TNS3: variants seen among roughly 807,000 people sequenced by gnomAD.
The protein encoded by TNS3 is tensin-3.
A neutral mutation model predicts 140.9 loss-of-function variants in TNS3; 45 were observed. The ratio of observed to expected loss-of-function variants is 0.32; its 90% confidence interval spans 0.25 to 0.41. The LOEUF is 0.41. Ranked by LOEUF, TNS3 falls within the 10% of genes least tolerant of loss-of-function variation. The probability of loss-of-function intolerance (pLI) is 1.00; values close to 1 mark genes in which losing one functional copy is unlikely to be tolerated. For synonymous variants in TNS3, 815 were observed against 788.4 expected (o/e 1.03, Z -0.56); for missense variants, 1,716 against 1,906.7 (o/e 0.90, Z 1.86).
chr7:47,350,326 T>G (rs1789592411), intron 17 of TNS3, among the ~76,000 whole-genome samples: 1 of 152,346 alleles, frequency 6.6e-6, no homozygotes, highest in Non-Finnish European at 1.5e-5. Flanking sequence ...GTCTCTCGTG[T>G]GAATTTCAGA....
intron 4 of TNS3, among the ~76,000 whole-genome samples, chr7:47,458,824 A>G (rs563322479): frequency 6.6e-6 from 1 of 152,364 alleles, no homozygotes; most frequent in African/African-American, 2.4e-5. Context: ...AGCTTTTTAA[A>G]TAACAAGTAC....
At chr7:47,433,896 TCTCTC>T in intron 8 of TNS3, among the ~76,000 whole-genome samples, 1 of 139,138 alleles carries the variant, frequency 7.2e-6, no homozygotes, top group East Asian at 2.0e-4. Flanking sequence ...TCTCTCTCTC[TCTCTC>T]TCTCTCTCTC....
intron 1 of TNS3, among the ~76,000 whole-genome samples, chr7:47,567,832 G>C (rs965213962): frequency 2.0e-5 from 3 of 152,174 alleles, no homozygotes; most frequent in Non-Finnish European, 4.4e-5. Flanking sequence ...TCATGAACTG[G>C]AAGTCCTGCA....
intron 2 of TNS3, among the ~76,000 whole-genome samples, chr7:47,527,087 A>AAT (rs35524400): frequency 6.7e-6 from 1 of 148,346 alleles, no homozygotes; most frequent in Non-Finnish European, 1.5e-5. Flanking sequence ...AAAAAAAAAA[A>AAT]TTAGCCGGGC....
At chr7:47,312,889 TTAAAAAATAAAAA>T (rs1211419075) in intron 20 of TNS3, among the ~76,000 whole-genome samples, 2 of 151,606 alleles carry the variant, frequency 1.3e-5, no homozygotes, top group East Asian at 1.9e-4. Flanking sequence ...AATAATAAAA[TTAAAAAATAAAAA>T]TAAAAAATAA....
chr7:47,302,462 C>G (rs947164406), intron 22 of TNS3, among the ~76,000 whole-genome samples, 190 bp from the exon 23 acceptor site: 2 of 152,162 alleles, frequency 1.3e-5, no homozygotes, highest in African/African-American at 2.4e-5. Context: ...TAACACAAAA[C>G]AGAACAACAG....
intron 1 of TNS3, among the ~76,000 whole-genome samples, chr7:47,544,674 A>G (rs568550442): frequency 2.4e-4 from 37 of 152,052 alleles, no homozygotes; most frequent in African/African-American, 7.5e-4. Context: ...CTAAATAACC[A>G]CAAGCCCAAG....
intron 4 of TNS3, among the ~76,000 whole-genome samples, chr7:47,449,211 T>C (rs1448266838): frequency 1.3e-5 from 2 of 152,012 alleles, no homozygotes; most frequent in East Asian, 3.9e-4. Context: ...GTGTGAAGAG[T>C]AGAGTCAGCT....
chr7:47,432,777 G>A lies in TNS3; in HGVS notation c.324+2505C>T, dbSNP rs144685053. ...TCAAACTACGTATGGAACTGAAGTA[G>A]GACATCTTCATATAATGTTCATGTA... On this transcript the variant is annotated intron_variant, in intron 8 of 30. Transcript: ENST00000311160. Among the ~76,000 whole-genome samples, 424 of 152,332 alleles carry A rather than the reference G, an allele frequency of 2.8e-3. 1 individual carries two copies. The highest frequency in any genetic ancestry group is 9.6e-3 in the African/African-American group (400 of 41,580).
intron 8 of TNS3, among the ~76,000 whole-genome samples, chr7:47,433,242 T>A (rs1468052983): frequency 6.6e-6 from 1 of 152,242 alleles, no homozygotes; most frequent in Non-Finnish European, 1.5e-5. Flanking sequence ...TCGCCAAATG[T>A]CAGCGATTTC....
At chr7:47,486,841 G>A (rs1222672322) in intron 3 of TNS3, among the ~76,000 whole-genome samples, 4 of 152,196 alleles carry the variant, frequency 2.6e-5, no homozygotes, top group Non-Finnish European at 2.9e-5. Context: ...CTCTAAAGCC[G>A]TGTGGGTATA....
intron 23 of TNS3, among the ~76,000 whole-genome samples, chr7:47,299,005 C>A (rs74687840): frequency 6.6e-6 from 1 of 152,320 alleles, no homozygotes; most frequent in Admixed American, 6.5e-5. Flanking sequence ...ATGCAAGGGA[C>A]CCAGGGCTGG....
At chr7:47,320,861 C>T (rs956266072) in intron 20 of TNS3, among the ~76,000 whole-genome samples, 11 of 152,196 alleles carry the variant, frequency 7.2e-5, no homozygotes, top group Admixed American at 6.5e-4. Flanking sequence ...AGGAGAGTGA[C>T]ATAGGCCCTA....
At chr7:47,438,712 C>T (rs1012031741) in intron 6 of TNS3, among the ~76,000 whole-genome samples, 1 of 152,152 alleles carries the variant, frequency 6.6e-6, no homozygotes, top group Non-Finnish European at 1.5e-5. Flanking sequence ...TTGGGTCCAC[C>T]TCTCCCAGCC....
chr7:47,506,878 G>T (rs1301182163), intron 3 of TNS3, 29 bp downstream of exon 3: 18 of 1,287,092 alleles, frequency 1.4e-5, no homozygotes, highest in Non-Finnish European at 1.8e-5. Flanking sequence ...GCTATAAAAA[G>T]TCCCATGGGA....
intron 20 of TNS3, among the ~76,000 whole-genome samples, chr7:47,336,702 T>G (rs1349001646): frequency 6.6e-6 from 1 of 152,074 alleles, no homozygotes; most frequent in Non-Finnish European, 1.5e-5. Context: ...CATGCCTGTA[T>G]CAAAACATCT....
rs1378688467 is a variant in TNS3 at position 47,303,262 on chromosome 7, G to A, written c.3145C>T (p.Pro1049Ser). ...ALLANSHGAS[P>S]TPSIPLTATG... The stretch of plus-strand genomic sequence containing the variant: ...GCTGTCAGCGGGATGCTGGGGGTCG[G>A]TGACGCTCCATGAGAATTGGCCAGC... Residue 1049 changes from proline (P) to serine (S), a missense_variant, in exon 22 of 31, where the codon CCG becomes TCG. By Grantham distance (74) the Pro-to-Ser change is moderately conservative. Around this residue, in one of 3 missense-constraint regions of TNS3, gnomAD observed 1,163 missense variants for 1,182.1 expected, o/e 0.98. Transcript: ENST00000311160. 6.2e-7 allele frequency: 1 copy of A among 1,613,718 alleles called. No individual in the cohort carries two copies. Among genetic ancestry groups the A allele is most frequent in the African/African-American group, 1.3e-5 (1 of 75,076 alleles).
At position 47,370,044 on chromosome 7, in the gene TNS3, T is replaced by C. The variant is rs116158930; in HGVS notation, c.1025-423A>G. ...GTTCATAGACCTGTCTAACATTTGT[T>C]GAGCATCAGCTAGGTGCTGGGTAGC... On this transcript the variant is annotated intron_variant, in intron 16 of 30. Coordinates refer to ENST00000311160, the MANE Select transcript of TNS3 (RefSeq NM_022748.12). Among the ~76,000 whole-genome samples, 600 of 152,314 alleles carry C rather than the reference T, an allele frequency of 3.9e-3. 7 individuals carry two copies. Among genetic ancestry groups the C allele is most frequent in the African/African-American group, 0.013 (554 of 41,578 alleles).
chr7:47,315,914 C>T (rs1787369034), intron 20 of TNS3, among the ~76,000 whole-genome samples: 1 of 152,118 alleles, frequency 6.6e-6, no homozygotes, highest in South Asian at 2.1e-4. Flanking sequence ...TTTATATCAC[C>T]TTTAATGAAA....
Sources: gnomAD v4.1 joint callset for allele counts (sites outside exome capture counted in the v4.1 genomes callset) on GRCh38, gnomAD v4.1.1 for gene constraint, gnomAD v4.1.1 regional missense constraint, MANE v1.5 for transcripts, NCBI Gene and HGNC (gene_info 2026-07-23, HGNC 2026-07-21) for gene names.